RALYL: variants seen among roughly 807,000 people sequenced by gnomAD.
RALYL encodes the protein RALY RNA binding protein like.
Under a neutral mutation model 35.1 loss-of-function variants are expected in RALYL, and 29 were observed. The ratio of observed to expected loss-of-function variants is 0.83; its 90% confidence interval spans 0.61 to 1.13. RALYL has a LOEUF of 1.13. Ranked by LOEUF, RALYL falls within the 50% of genes most tolerant of loss-of-function variation. RALYL has a pLI of 0.00. For missense variants in RALYL, 359 were observed against 360.4 expected (o/e 1.00, Z 0.03); for synonymous variants, 120 against 127.6 (o/e 0.94, Z 0.40).
At chr8:84,740,380 C>T (rs565030848) in intron 2 of RALYL, among the ~76,000 whole-genome samples, 8 of 151,650 alleles carry the variant, frequency 5.3e-5, no homozygotes, top group East Asian at 3.9e-4. Flanking sequence ...ACAAAGAGGG[C>T]GGAATAAAAG....
At chr8:84,640,196 CAA>C (rs1826011912) in intron 2 of RALYL, among the ~76,000 whole-genome samples, 1 of 151,854 alleles carries the variant, frequency 6.6e-6, no homozygotes, top group African/African-American at 2.4e-5. Flanking sequence ...AAGTAATAAT[CAA>C]AAGACTTTAA....
intron 1 of RALYL, among the ~76,000 whole-genome samples, chr8:84,514,348 G>T (rs1348157207): frequency 1.3e-5 from 2 of 152,098 alleles, no homozygotes; most frequent in Non-Finnish European, 2.9e-5. Context: ...TTAACAATAG[G>T]TAAGTGGCCG....
intron 1 of RALYL, among the ~76,000 whole-genome samples, chr8:84,518,230 C>T (rs531862435): frequency 2.0e-5 from 3 of 152,178 alleles, no homozygotes; most frequent in African/African-American, 7.2e-5. Flanking sequence ...TTAACCTTGA[C>T]TAAGCTTAAA....
intron 1 of RALYL, among the ~76,000 whole-genome samples, chr8:84,527,547 T>G (rs781708477): frequency 6.6e-6 from 1 of 152,214 alleles, no homozygotes; most frequent in Non-Finnish European, 1.5e-5. Context: ...AACAAAGTAG[T>G]ATGCTTTCTG....
chr8:84,381,681 C>T (rs1018338174), intron 1 of RALYL, among the ~76,000 whole-genome samples: 2 of 151,916 alleles, frequency 1.3e-5, no homozygotes, highest in South Asian at 4.1e-4. Context: ...CAATCATACT[C>T]AGACTGCAGT....
intron 1 of RALYL, among the ~76,000 whole-genome samples, chr8:84,470,943 T>A (rs888539163): frequency 1.3e-5 from 2 of 152,204 alleles, no homozygotes; most frequent in Non-Finnish European, 2.9e-5. Context: ...GCAGATGTCA[T>A]GTTACTATGG....
At chr8:84,848,184 A>G (rs895778786) in intron 4 of RALYL, among the ~76,000 whole-genome samples, 5 of 152,288 alleles carry the variant, frequency 3.3e-5, no homozygotes, top group African/African-American at 1.2e-4. Flanking sequence ...TCAGGGAATC[A>G]GACACTTTTG....
At chr8:84,219,136 T>C (rs1821570110) in intron 1 of RALYL, among the ~76,000 whole-genome samples, 1 of 152,052 alleles carries the variant, frequency 6.6e-6, no homozygotes, top group African/African-American at 2.4e-5. Context: ...ATGCTTTGTG[T>C]CCCCACCCAA....
intron 1 of RALYL, among the ~76,000 whole-genome samples, chr8:84,205,562 C>T (rs1817868416): frequency 6.6e-6 from 1 of 152,116 alleles, no homozygotes; most frequent in African/African-American, 2.4e-5. Flanking sequence ...TTTCAATATT[C>T]TTTGACTTCT....
chr8:84,627,080 T>C (rs183007737), intron 2 of RALYL, among the ~76,000 whole-genome samples: 26 of 152,232 alleles, frequency 1.7e-4, no homozygotes, highest in Admixed American at 9.2e-4. Flanking sequence ...GTATCTTCAA[T>C]TTAATATCCA....
In RALYL at chr8:84,767,224, G is replaced by T. The variant is rs556640585; in HGVS notation, c.257-7355G>T. On this transcript the variant is annotated intron_variant, in intron 2 of 8. Transcript: ENST00000521268. ...CGTCTCCATTTGCTTCATCTCATTT[G>T]CCTCAAGTTAGAATAGGTTCAGCTC... Among the ~76,000 whole-genome samples the T allele has an allele frequency of 2.0e-5, 3 of 152,230 alleles. No individual in the cohort carries two copies. In the South Asian group the frequency reaches 6.2e-4, roughly 32 times the overall value.
chr8:84,899,518 C>T (rs529496365), intron 8 of RALYL, among the ~76,000 whole-genome samples: 1 of 152,132 alleles, frequency 6.6e-6, no homozygotes, highest in Non-Finnish European at 1.5e-5. Flanking sequence ...AGATTGTGTT[C>T]TAAGTATTAC....
At chr8:84,575,634 T>A (rs1809199002) in intron 2 of RALYL, among the ~76,000 whole-genome samples, 1 of 152,168 alleles carries the variant, frequency 6.6e-6, no homozygotes, top group African/African-American at 2.4e-5. Context: ...TGTGCCTTGA[T>A]AGATTCAGAC....
chr8:84,282,312 T>C (rs77449592), intron 1 of RALYL, among the ~76,000 whole-genome samples: 1 of 152,116 alleles, frequency 6.6e-6, no homozygotes, highest in Non-Finnish European at 1.5e-5. Context: ...TTCCACCAGG[T>C]CAGGGGTCCT....
intron 1 of RALYL, among the ~76,000 whole-genome samples, chr8:84,289,504 A>G (rs568279488): frequency 6.6e-6 from 1 of 152,248 alleles, no homozygotes; most frequent in South Asian, 2.1e-4. Flanking sequence ...TTTTAAAACC[A>G]GTTGATTTGT....
At chr8:84,348,215 T>C (rs1018134555) in intron 1 of RALYL, among the ~76,000 whole-genome samples, 4 of 152,132 alleles carry the variant, frequency 2.6e-5, no homozygotes, top group African/African-American at 9.7e-5. Flanking sequence ...AAGACAAATT[T>C]AATTTAACAG....
intron 8 of RALYL, among the ~76,000 whole-genome samples, chr8:84,904,788 A>G (rs1295756789): frequency 6.6e-6 from 1 of 152,154 alleles, no homozygotes; most frequent in African/African-American, 2.4e-5. Context: ...TTAGACTCAT[A>G]AAATTTTAAC....
At chr8:84,666,901 GGT>G (rs1387366838) in intron 2 of RALYL, among the ~76,000 whole-genome samples, 1 of 152,068 alleles carries the variant, frequency 6.6e-6, no homozygotes, top group Non-Finnish European at 1.5e-5. Context: ...GCACTCTGGT[GGT>G]AGTTGCTAAT....
chr8:84,650,593 G>A (rs914894420), intron 2 of RALYL, among the ~76,000 whole-genome samples: 13 of 152,044 alleles, frequency 8.6e-5, no homozygotes, highest in Non-Finnish European at 1.6e-4. Context: ...AGAGGATGTG[G>A]AGAAATAGGA....
Sources: allele counts gnomAD v4.1 joint callset (sites outside exome capture counted in the v4.1 genomes callset), GRCh38; gene constraint gnomAD v4.1.1; transcripts MANE v1.5; gene names NCBI Gene and HGNC (gene_info 2026-07-23, HGNC 2026-07-21).